Variants in CCDC73 observed in about 807,000 individuals in gnomAD.
CCDC73 encodes coiled-coil domain containing 73.
In CCDC73, 95 loss-of-function variants were observed where a neutral mutation model predicts 116.5. The ratio of observed to expected loss-of-function variants is 0.82; its 90% CI spans 0.69 to 0.97. The LOEUF (loss-of-function observed/expected upper bound fraction) is 0.97, where lower values mean the gene tolerates loss of function less well. Ranked by LOEUF, CCDC73 falls within the 50% of genes least tolerant of loss-of-function variation. CCDC73 has a pLI of 0.00. For missense variants in CCDC73, 1,066 were observed against 1,206.8 expected (o/e 0.88, Z 1.73); for synonymous variants, 398 against 401.3 (o/e 0.99, Z 0.10).
chr11:32,779,942 G>A (rs1471551150), intron 1 of CCDC73, among the ~76,000 whole-genome samples: 1 of 152,094 alleles, frequency 6.6e-6, no homozygotes, highest in Non-Finnish European at 1.5e-5. Context: ...TGGATTAAAA[G>A]TGAACACCTC....
chr11:32,713,345 G>T (rs897984716), intron 3 of CCDC73, among the ~76,000 whole-genome samples: 10 of 152,004 alleles, frequency 6.6e-5, no homozygotes, highest in Non-Finnish European at 1.3e-4. Context: ...TATGCCTTTG[G>T]TGTTGTCCAT....
At chr11:32,714,062 A>T (rs571410168) in intron 3 of CCDC73, among the ~76,000 whole-genome samples, 1 of 152,154 alleles carries the variant, frequency 6.6e-6, no homozygotes, top group South Asian at 2.1e-4. Context: ...CAACCTGAGG[A>T]TCTATCTCCA....
chr11:32,717,994 T>A, intron 3 of CCDC73, 82 bp downstream of exon 3: 2 of 909,572 alleles, frequency 2.2e-6, no homozygotes, highest in Non-Finnish European at 3.4e-6. Context: ...ACCTTGTCTC[T>A]CCCTTGACAC....
intron 2 of CCDC73, among the ~76,000 whole-genome samples, chr11:32,737,850 C>G (rs1201354206): frequency 6.6e-6 from 1 of 152,032 alleles, no homozygotes; most frequent in Non-Finnish European, 1.5e-5. Flanking sequence ...CTCCCACTAC[C>G]CTTCCCAGCC....
At chr11:32,679,848 A>C (rs1202103521) in intron 7 of CCDC73, 1 of 152,234 alleles carries the variant, frequency 6.6e-6, no homozygotes, top group Non-Finnish European at 1.5e-5. Context: ...AATGTAGCAA[A>C]GATCAAAGGA....
chr11:32,637,459 A>G (rs1855692413), intron 13 of CCDC73, among the ~76,000 whole-genome samples: 2 of 152,048 alleles, frequency 1.3e-5, no homozygotes, highest in African/African-American at 4.8e-5. Flanking sequence ...TCCAAGTCTC[A>G]CATCATTTAA....
intron 6 of CCDC73, among the ~76,000 whole-genome samples, chr11:32,698,387 T>A (rs1409862794): frequency 6.6e-6 from 1 of 152,194 alleles, no homozygotes; most frequent in African/African-American, 2.4e-5. Flanking sequence ...ATTGTGATTG[T>A]GTCTAATTGT....
intron 2 of CCDC73, among the ~76,000 whole-genome samples, chr11:32,721,018 A>C (rs1054895028): frequency 4.6e-5 from 7 of 152,068 alleles, no homozygotes; most frequent in Admixed American, 2.6e-4. Flanking sequence ...AATGATACTT[A>C]TTTTATTTTT....
chr11:32,639,354 A>G (rs1376963049), intron 13 of CCDC73, among the ~76,000 whole-genome samples: 2 of 152,168 alleles, frequency 1.3e-5, no homozygotes, highest in Non-Finnish European at 2.9e-5. Flanking sequence ...AGCTCTTTTG[A>G]TAATCCTTGT....
intron 12 of CCDC73, among the ~76,000 whole-genome samples, chr11:32,645,345 G>T (rs1281827659): frequency 1.4e-5 from 2 of 138,058 alleles, no homozygotes; most frequent in Non-Finnish European, 3.0e-5. Context: ...AGGCTGGGCT[G>T]CAATGGCGCG....
At chr11:32,652,732 A>T (rs1390573175) in intron 12 of CCDC73, among the ~76,000 whole-genome samples, 3 of 152,154 alleles carry the variant, frequency 2.0e-5, no homozygotes, top group Non-Finnish European at 4.4e-5. Flanking sequence ...GTGAAGAGAG[A>T]TCTACCCCAA....
chr11:32,735,815 T>C (rs191173378), intron 2 of CCDC73, among the ~76,000 whole-genome samples: 29 of 152,122 alleles, frequency 1.9e-4, no homozygotes, highest in African/African-American at 6.5e-4. Context: ...AACAGAGATA[T>C]AGACCAATGG....
intron 11 of CCDC73, among the ~76,000 whole-genome samples, chr11:32,653,519 T>C (rs1855845563): frequency 6.6e-6 from 1 of 152,116 alleles, no homozygotes; most frequent in South Asian, 2.1e-4. Flanking sequence ...CTCCCAACAG[T>C]AAATATATCA....
intron 14 of CCDC73, among the ~76,000 whole-genome samples, chr11:32,622,135 A>G (rs554884534): frequency 6.6e-6 from 1 of 152,310 alleles, no homozygotes; most frequent in South Asian, 2.1e-4. Context: ...CAGAAATACC[A>G]TTTGACTCAG....
chr11:32,631,384 A>G (rs528460173), intron 14 of CCDC73, among the ~76,000 whole-genome samples: 2 of 152,238 alleles, frequency 1.3e-5, no homozygotes, highest in Non-Finnish European at 2.9e-5. Flanking sequence ...TCTTACCTAG[A>G]ATGTTCCCTG....
chr11:32,646,544 T>C (rs927716452), intron 12 of CCDC73, among the ~76,000 whole-genome samples: 1 of 152,258 alleles, frequency 6.6e-6, no homozygotes, highest in Non-Finnish European at 1.5e-5. Context: ...ATGGTTCTAT[T>C]GTCTTCTACG....
the CCDC73 span, among the ~76,000 whole-genome samples, chr11:32,810,625 T>C: frequency 3.9e-5 from 6 of 152,174 alleles, no homozygotes; most frequent in East Asian, 5.8e-4. Context: ...ACCCCTAATA[T>C]AGAATAATAA....
intron 1 of CCDC73, among the ~76,000 whole-genome samples, chr11:32,791,991 TACACACACACACAC>T (rs66955881): frequency 2.8e-4 from 40 of 145,204 alleles, no homozygotes; most frequent in African/African-American, 8.9e-4. Flanking sequence ...CACACACACA[TACACACACACACAC>T]ACACACACAC....
chr11:32,830,548 C>G, the CCDC73 span: 2 of 1,592,292 alleles, frequency 1.3e-6, no homozygotes, highest in Admixed American at 3.7e-5. Context: ...GCTTCTGGTT[C>G]TACTCAGCCA....
Sources: allele counts gnomAD v4.1 joint callset (sites outside exome capture counted in the v4.1 genomes callset), GRCh38; gene constraint gnomAD v4.1.1; transcripts MANE v1.5; gene names NCBI Gene and HGNC (gene_info 2026-07-23, HGNC 2026-07-21).